The following FKBP5 variants were observed in gnomAD, a reference collection of about 807,000 sequenced individuals.
The protein encoded by FKBP5 is peptidyl-prolyl cis-trans isomerase FKBP5.
A neutral mutation model predicts 50.5 loss-of-function variants in FKBP5; 23 were observed. The observed-to-expected ratio is 0.46, with a 90% CI of 0.33 to 0.65. FKBP5 has a LOEUF of 0.65. Ranked by LOEUF, FKBP5 falls within the 30% of genes least tolerant of loss-of-function variation. FKBP5 has a pLI of 0.02. For missense variants in FKBP5, 411 were observed against 553.1 expected (o/e 0.74, Z 2.58); for synonymous variants, 176 against 190.6 (o/e 0.92, Z 0.63).
In FKBP5 at chr6:35,671,916, T is replaced by C. The variant is rs182596274; in HGVS notation, c.-20+16888A>G. ...CGGAGTCTCACTCTGTCGTCTAGGC[T>C]GGAGTGCAGTGGCGCGATCTCGGCT... On this transcript the variant is annotated intron_variant, in intron 1 of 10. Coordinates refer to ENST00000357266, the MANE Select transcript of FKBP5 (RefSeq NM_004117.4). Among the ~76,000 whole-genome samples the C allele has an allele frequency of 6.7e-3, 1,020 of 152,132 alleles. 9 individuals are homozygous for C. Among genetic ancestry groups the C allele is most frequent in the Non-Finnish European group, 9.3e-3 (630 of 67,976 alleles).
intron 1 of FKBP5, among the ~76,000 whole-genome samples, chr6:35,680,659 T>C (rs1765640537): frequency 6.6e-6 from 1 of 152,224 alleles, no homozygotes. Context: ...CACTTACCAA[T>C]GATCAAGAAT....
intron 3 of FKBP5, among the ~76,000 whole-genome samples, chr6:35,627,884 C>A (rs1209187997): frequency 6.6e-6 from 1 of 151,754 alleles, no homozygotes; most frequent in Non-Finnish European, 1.5e-5. Context: ...GCCTCCACCT[C>A]CCAAGTAGCT....
chr6:35,702,742 G>A (rs549131845), intron 2 of FKBP5, among the ~76,000 whole-genome samples: 50 of 151,944 alleles, frequency 3.3e-4, no homozygotes, highest in African/African-American at 1.1e-3. Flanking sequence ...ATGAGCCACC[G>A]CGCCCAGCCA....
chr6:35,644,624 A>C (rs563019011), intron 1 of FKBP5, among the ~76,000 whole-genome samples: 39 of 152,236 alleles, frequency 2.6e-4, no homozygotes, highest in Non-Finnish European at 7.3e-5. Flanking sequence ...GGATAAGCGA[A>C]AGGCCAGAAC....
chr6:35,675,207 C>T (rs769634372), intron 1 of FKBP5, among the ~76,000 whole-genome samples: 1 of 152,246 alleles, frequency 6.6e-6, no homozygotes, highest in Non-Finnish European at 1.5e-5. Context: ...TTATCCCATA[C>T]CACAAAGTGG....
chr6:35,610,606 A>G (rs1016132378), intron 5 of FKBP5, among the ~76,000 whole-genome samples: 1 of 150,636 alleles, frequency 6.6e-6, no homozygotes, highest in East Asian at 1.9e-4. Flanking sequence ...CAAAAAATAC[A>G]TTCATTTTCC....
At chr6:35,579,082 T>C (rs1762330249) in intron 9 of FKBP5, among the ~76,000 whole-genome samples, 1 of 151,718 alleles carries the variant, frequency 6.6e-6, no homozygotes, top group African/African-American at 2.4e-5. Context: ...TGTGTATTAA[T>C]AGCCACCGCA....
chr6:35,708,259 G>A (rs1008304246), intron 2 of FKBP5, among the ~76,000 whole-genome samples: 1 of 152,080 alleles, frequency 6.6e-6, no homozygotes, highest in African/African-American at 2.4e-5. Flanking sequence ...TCGTACAATG[G>A]AATTCTTTTT....
At chr6:35,598,224 G>C (rs1763040140) in intron 5 of FKBP5, among the ~76,000 whole-genome samples, 1 of 152,036 alleles carries the variant, frequency 6.6e-6, no homozygotes, top group Non-Finnish European at 1.5e-5. Context: ...TTTTCTTGAT[G>C]AGTTAGACTT....
At chr6:35,677,267 G>A (rs570228470) in intron 1 of FKBP5, among the ~76,000 whole-genome samples, 117 of 152,204 alleles carry the variant, frequency 7.7e-4, no homozygotes, top group African/African-American at 2.6e-3. Flanking sequence ...TAGAGACGGG[G>A]TTTCACTGTG....
chr6:35,634,491 C>G (rs1004248571), intron 3 of FKBP5, among the ~76,000 whole-genome samples: 4 of 152,150 alleles, frequency 2.6e-5, no homozygotes, highest in African/African-American at 9.7e-5. Context: ...AGAACTGGAG[C>G]TTGGAAAGAG....
At chr6:35,647,517 C>G (rs527330034) in intron 1 of FKBP5, among the ~76,000 whole-genome samples, 1 of 152,150 alleles carries the variant, frequency 6.6e-6, no homozygotes, top group East Asian at 1.9e-4. Flanking sequence ...GAGGTCAGAC[C>G]GAAGGAGAGA....
At chr6:35,638,624 C>T (rs58873316) in intron 2 of FKBP5, among the ~76,000 whole-genome samples, 5,376 of 151,996 alleles carry the variant, frequency 0.035, 124 homozygotes, top group African/African-American at 0.069. Flanking sequence ...TGCTACATTG[C>T]CCAGGCTGGT....
chr6:35,641,481 C>T (rs1487944019), intron 2 of FKBP5, among the ~76,000 whole-genome samples: 2 of 152,188 alleles, frequency 1.3e-5, no homozygotes, highest in Non-Finnish European at 2.9e-5. Context: ...ACTACCCATG[C>T]TACAACAGCT....
At chr6:35,609,974 T>TGATG (rs1763439258) in intron 5 of FKBP5, among the ~76,000 whole-genome samples, 1 of 152,212 alleles carries the variant, frequency 6.6e-6, no homozygotes, top group Non-Finnish European at 1.5e-5. Flanking sequence ...TGATATTTGC[T>TGATG]GATGATTCTT....
intron 4 of FKBP5, 109 bp from the exon 5 acceptor site, chr6:35,619,319 A>G (rs1250247916): frequency 1.1e-5 from 7 of 663,332 alleles, no homozygotes; most frequent in Admixed American, 5.6e-5. Flanking sequence ...AAGCTGTTTT[A>G]AAATATATAC....
At chr6:35,578,390 TC>T (rs1762295944) in intron 9 of FKBP5, among the ~76,000 whole-genome samples, 1 of 152,110 alleles carries the variant, frequency 6.6e-6, no homozygotes, top group African/African-American at 2.4e-5. Context: ...TGTGGGGAAG[TC>T]TTTTCTAACT....
chr6:35,585,852 G>A, intron 8 of FKBP5: 7 of 985,272 alleles, frequency 7.1e-6, no homozygotes, highest in Non-Finnish European at 8.4e-6. Context: ...AAAACACATG[G>A]TGCCCTCTGG....
At chr6:35,724,126 C>T (rs761713008) in intron 1 of FKBP5, among the ~76,000 whole-genome samples, 14 of 152,318 alleles carry the variant, frequency 9.2e-5, no homozygotes, top group Admixed American at 4.6e-4. Context: ...CTCCCAAAGG[C>T]CTGCTGTAAA....
Sources: allele counts gnomAD v4.1 joint callset (sites outside exome capture counted in the v4.1 genomes callset), GRCh38; gene constraint gnomAD v4.1.1; transcripts MANE v1.5; gene names NCBI Gene and HGNC (gene_info 2026-07-23, HGNC 2026-07-21).